Variants in PLD5 observed in about 807,000 individuals in gnomAD.
PLD5 encodes the protein phospholipase D family member 5, also known as inactive phospholipase D5.
In PLD5, 36 loss-of-function variants were observed where a neutral mutation model predicts 61.1. The ratio of observed to expected loss-of-function variants is 0.59; its 90% confidence interval spans 0.45 to 0.78. The LOEUF is 0.78. Ranked by LOEUF, PLD5 falls within the 30% of genes least tolerant of loss-of-function variation. The probability of loss-of-function intolerance (pLI) is 0.00; values close to 1 mark genes in which losing one functional copy is unlikely to be tolerated. For missense variants in PLD5, 515 were observed against 644.4 expected, an observed-to-expected ratio of 0.80 and a Z score of 2.17; for synonymous variants, 243 against 242.8, an observed-to-expected ratio of 1.00 and a Z score of -0.01.
chr1:242,187,816 G>T (rs956421877), intron 5 of PLD5, among the ~76,000 whole-genome samples: 2 of 152,174 alleles, frequency 1.3e-5, no homozygotes, highest in African/African-American at 4.8e-5. Context: ...GTGCAAAGAC[G>T]TAAGAGATGA....
rs149119676 is a variant in PLD5 at position 242,129,574 on chromosome 1, G to A, written c.736-4909C>T. Among the ~76,000 whole-genome samples, 363 of 152,298 alleles carry A rather than the reference G, an allele frequency of 2.4e-3. 2 individuals carry two copies. Among genetic ancestry groups the A allele is most frequent in the African/African-American group, 8.2e-3 (340 of 41,560 alleles). On this transcript the variant is annotated intron_variant, in intron 5 of 9. Transcript: ENST00000536534. Reference sequence around the variant, plus strand: ...AAATAATATAGAGATCTGGGTTGCTGATGAATTTCTATGTCTAGATTATTA... The same window carrying A: ...AAATAATATAGAGATCTGGGTTGCTAATGAATTTCTATGTCTAGATTATTA...
At chr1:242,406,905 T>C (rs1269053159) in intron 1 of PLD5, among the ~76,000 whole-genome samples, 1 of 152,114 alleles carries the variant, frequency 6.6e-6, no homozygotes, top group Non-Finnish European at 1.5e-5. Flanking sequence ...TTAACAGAGG[T>C]ATGAATTGTT....
chr1:242,520,182 A>G (rs1450445163), intron 1 of PLD5, among the ~76,000 whole-genome samples: 1 of 152,208 alleles, frequency 6.6e-6, no homozygotes, highest in East Asian at 1.9e-4. Flanking sequence ...AGCCTAAATC[A>G]TTACATGATT....
intron 3 of PLD5, among the ~76,000 whole-genome samples, chr1:242,287,708 C>G (rs1244975164): frequency 6.6e-6 from 1 of 152,030 alleles, no homozygotes; most frequent in Admixed American, 6.6e-5. Flanking sequence ...CATGGTTGTA[C>G]CAATATAAAG....
At chr1:242,096,687 T>G (rs1660260964) in intron 9 of PLD5, among the ~76,000 whole-genome samples, 1 of 151,270 alleles carries the variant, frequency 6.6e-6, no homozygotes, top group Non-Finnish European at 1.5e-5. Flanking sequence ...TTTTTTGTTT[T>G]TTTTTTTTTT....
intron 1 of PLD5, among the ~76,000 whole-genome samples, chr1:242,413,872 A>G (rs1664686030): frequency 6.6e-6 from 1 of 152,230 alleles, no homozygotes; most frequent in South Asian, 2.1e-4. Context: ...GACAAAGGGC[A>G]GAGAATAAGT....
intron 5 of PLD5, among the ~76,000 whole-genome samples, chr1:242,139,188 T>A (rs186161014): frequency 1.1e-4 from 17 of 152,310 alleles, no homozygotes; most frequent in African/African-American, 4.1e-4. Flanking sequence ...TACTGTGTTA[T>A]TTCACAAAGC....
chr1:242,328,588 C>CTATATATATATATATAT (rs1658972886), intron 2 of PLD5, among the ~76,000 whole-genome samples: 1 of 152,032 alleles, frequency 6.6e-6, no homozygotes, highest in African/African-American at 2.4e-5. Flanking sequence ...TATATGTGGC[C>CTATATATATATATATAT]ATCCTTAAAA....
chr1:242,396,672 T>C (rs11487744), intron 1 of PLD5, among the ~76,000 whole-genome samples: 8,459 of 130,370 alleles, frequency 0.065, 761 homozygotes, highest in African/African-American at 0.19. Context: ...TCTTTTCTTT[T>C]CTTTTTTTTT....
chr1:242,169,442 C>T lies in PLD5; in HGVS notation c.736-44777G>A, dbSNP rs1451513264. Among the ~76,000 whole-genome samples, 6 of 152,176 alleles carry T rather than the reference C, an allele frequency of 3.9e-5. No homozygotes were observed. In the East Asian group the frequency reaches 5.8e-4, roughly 15 times the overall value. ...CACTTTTCCCATGGTCTTCAAAACCCGTAGACCAGGAGATACCCTCCAGTG... is the reference window on the plus strand; with the variant it reads ...CACTTTTCCCATGGTCTTCAAAACCTGTAGACCAGGAGATACCCTCCAGTG... On this transcript the variant is annotated intron_variant, in intron 5 of 9. Coordinates refer to ENST00000536534, the MANE Select transcript of PLD5 (RefSeq NM_001372062.1).
intron 1 of PLD5, among the ~76,000 whole-genome samples, chr1:242,486,753 C>T (rs567425261): frequency 6.6e-6 from 1 of 152,300 alleles, no homozygotes; most frequent in African/African-American, 2.4e-5. Flanking sequence ...TATAAAGACA[C>T]ATGCACACGT....
At chr1:242,247,839 T>A (rs998354182) in intron 4 of PLD5, among the ~76,000 whole-genome samples, 2 of 152,230 alleles carry the variant, frequency 1.3e-5, no homozygotes, top group South Asian at 4.1e-4. Context: ...CGTGCTGCAG[T>A]GTACGTCTTT....
At chr1:242,281,713 T>C (rs1157912455) in intron 3 of PLD5, among the ~76,000 whole-genome samples, 2 of 152,164 alleles carry the variant, frequency 1.3e-5, no homozygotes, top group East Asian at 3.9e-4. Context: ...AGAATGGGGC[T>C]GCTTTGGATG....
intron 1 of PLD5, among the ~76,000 whole-genome samples, chr1:242,404,729 C>T (rs1331566757): frequency 7.3e-6 from 1 of 137,594 alleles, no homozygotes; most frequent in Non-Finnish European, 1.6e-5. Context: ...ACTCACCTGA[C>T]TCCACATACA....
chr1:242,272,885 G>T (rs1574648531), intron 3 of PLD5, among the ~76,000 whole-genome samples: 1 of 152,082 alleles, frequency 6.6e-6, no homozygotes, highest in Non-Finnish European at 1.5e-5. Flanking sequence ...ATCCAGAAAT[G>T]GTATGCACAA....
At chr1:242,093,753 G>A (rs966695243) in intron 9 of PLD5, among the ~76,000 whole-genome samples, 2 of 151,918 alleles carry the variant, frequency 1.3e-5, no homozygotes, top group South Asian at 2.1e-4. Context: ...ATTCTGCTAC[G>A]TGCATGTGCA....
In PLD5 at chr1:242,086,093, C is replaced by A. The variant is rs991593099; in HGVS notation, c.*3761G>T. On this transcript the variant is annotated 3_prime_UTR_variant, in exon 10 of 10. Transcript: ENST00000536534. Reference sequence around the variant, plus strand: ...CCCAGGTTCATCGAGGCACTTAAACCATTAACTGCATTTCAAAAAAAATCC... The same window carrying A: ...CCCAGGTTCATCGAGGCACTTAAACAATTAACTGCATTTCAAAAAAAATCC... 1 of 152,046 alleles carries A rather than the reference C, an allele frequency of 6.6e-6. No individual in the cohort carries two copies. The highest frequency in any genetic ancestry group is 1.5e-5 in the Non-Finnish European group (1 of 68,032). 9.4% of individuals were successfully genotyped at this position (152,046 alleles called of 1,614,324 possible).
intron 4 of PLD5, among the ~76,000 whole-genome samples, chr1:242,231,442 C>T (rs138064456): frequency 9.8e-5 from 15 of 152,310 alleles, no homozygotes; most frequent in African/African-American, 2.2e-4. Context: ...AAGCCAACAT[C>T]GTTCTCTTTA....
At chr1:242,484,602 A>G (rs868676372) in intron 1 of PLD5, among the ~76,000 whole-genome samples, 1 of 152,164 alleles carries the variant, frequency 6.6e-6, no homozygotes, top group Non-Finnish European at 1.5e-5. Context: ...AGGACCAGAC[A>G]GATTCACAGC....
Sources: allele counts gnomAD v4.1 joint callset (sites outside exome capture counted in the v4.1 genomes callset), GRCh38; gene constraint gnomAD v4.1.1; transcripts MANE v1.5; gene names NCBI Gene and HGNC (gene_info 2026-07-23, HGNC 2026-07-21).